The following VCL variants were observed in gnomAD, a reference collection of about 807,000 sequenced individuals.
VCL encodes the protein epididymis luminal protein 114.
A neutral mutation model predicts 125.7 loss-of-function variants in VCL; 47 were observed. The observed-to-expected ratio is 0.37, with a 90% CI of 0.30 to 0.48. The LOEUF is 0.48. Ranked by LOEUF, VCL falls within the 20% of genes least tolerant of loss-of-function variation. The probability of loss-of-function intolerance (pLI) is 0.99; values close to 1 mark genes in which losing one functional copy is unlikely to be tolerated. For missense variants in VCL, 1,069 were observed against 1,455.5 expected (o/e 0.73, Z 4.32); for synonymous variants, 458 against 514.6 (o/e 0.89, Z 1.49).
chr10:74,090,535 C>G (rs765951342), intron 10 of VCL, among the ~76,000 whole-genome samples: 9 of 152,116 alleles, frequency 5.9e-5, no homozygotes, highest in Non-Finnish European at 1.0e-4. Flanking sequence ...CTATCTGTTT[C>G]CCATACATAA....
intron 2 of VCL, among the ~76,000 whole-genome samples, chr10:74,060,786 A>G (rs911452574): frequency 6.6e-6 from 1 of 152,186 alleles, no homozygotes; most frequent in East Asian, 1.9e-4. Flanking sequence ...TTGAAATCAC[A>G]TGGAACTGAG....
intron 20 of VCL, 37 bp downstream of exon 20, chr10:74,114,424 T>A: frequency 6.3e-7 from 1 of 1,585,694 alleles, no homozygotes; most frequent in Admixed American, 1.7e-5. Flanking sequence ...TGTGTGTGTG[T>A]GTGTGTGTGT....
rs1406167430 is a variant in VCL at position 74,097,788 on chromosome 10, C to T, written c.1872+456C>T. On this transcript the variant is annotated intron_variant, in intron 13 of 21. Coordinates refer to ENST00000211998, the MANE Select transcript of VCL (RefSeq NM_014000.3). This position sits in a 1 kb window ranked among gnomAD's most constrained non-coding sequence, Gnocchi z 4.1. ...ATGATCTTTTTAAATCAATCGATGT[C>T]ATTCTTATACTCAGACCCTTCCAAT... Among the ~76,000 whole-genome samples, 1 of 152,160 alleles carries T rather than the reference C, an allele frequency of 6.6e-6. No individual in the cohort carries two copies. The highest frequency in any genetic ancestry group is 1.5e-5 in the Non-Finnish European group (1 of 68,028).
At chr10:74,092,651 C>T (rs1481035045) in intron 10 of VCL, among the ~76,000 whole-genome samples, 1 of 152,158 alleles carries the variant, frequency 6.6e-6, no homozygotes, top group Admixed American at 6.5e-5. Context: ...ACGGCCCAGG[C>T]TTAATCACTT....
At chr10:74,083,261 T>G in intron 7 of VCL, 105 bp from the exon 8 acceptor site, 1 of 1,480,412 alleles carries the variant, frequency 6.8e-7, no homozygotes, top group Non-Finnish European at 9.3e-7. Flanking sequence ...TCACTCGTCT[T>G]GTTTAAAATC....
chr10:74,029,897 A>G (rs1840843769), intron 1 of VCL, among the ~76,000 whole-genome samples: 1 of 152,238 alleles, frequency 6.6e-6, no homozygotes, highest in South Asian at 2.1e-4. Flanking sequence ...AGGATTAAGA[A>G]GAAAATAAAA....
Position 74,104,077 on chromosome 10 carries a change from G to A in VCL, c.2131+149G>A, listed in dbSNP as rs1330144990. The A allele has an allele frequency of 1.0e-5, 8 of 762,936 alleles. No homozygotes were observed. The East Asian group carries it at 1.9e-4, about 18-fold the overall frequency. 47.3% of individuals were successfully genotyped at this position (762,936 alleles called of 1,614,324 possible). On this transcript the variant is annotated intron_variant, in intron 15 of 21. Coordinates refer to ENST00000211998, the MANE Select transcript of VCL (RefSeq NM_014000.3). ...GTACTTGGCTCTGCTTAAGGCTGCT[G>A]AGCAGTGGCGGCTTCTCATTCAAGC...
intron 1 of VCL, among the ~76,000 whole-genome samples, chr10:74,039,981 T>C (rs1841063100): frequency 6.6e-6 from 1 of 152,146 alleles, no homozygotes; most frequent in South Asian, 2.1e-4. Flanking sequence ...TCTTTCCAGT[T>C]CCTAAAATAC....
chr10:74,019,855 G>A (rs555206315), intron 1 of VCL, among the ~76,000 whole-genome samples: 2 of 152,248 alleles, frequency 1.3e-5, no homozygotes, highest in South Asian at 4.1e-4. Context: ...CTGAGGTCAG[G>A]AGTTTGAGAC....
At chr10:74,003,948 T>A (rs1840274451) in intron 1 of VCL, among the ~76,000 whole-genome samples, 1 of 152,178 alleles carries the variant, frequency 6.6e-6, no homozygotes, top group Non-Finnish European at 1.5e-5. Flanking sequence ...CTTGAACTCC[T>A]GGCCTCAAAC....
At chr10:74,017,046 CT>C (rs549275362) in intron 1 of VCL, among the ~76,000 whole-genome samples, 113 of 113,142 alleles carry the variant, frequency 1.0e-3, no homozygotes, top group Middle Eastern at 4.8e-3. Flanking sequence ...AATTTCCTTC[CT>C]TTTTTTTTTT....
At chr10:74,105,400 TC>T in intron 16 of VCL, 47 bp downstream of exon 16, 1 of 1,610,340 alleles carries the variant, frequency 6.2e-7, no homozygotes. Context: ...AGAGGTTAAC[TC>T]AGGAAAGGTC....
At chr10:74,026,452 T>C (rs1024193234) in intron 1 of VCL, among the ~76,000 whole-genome samples, 3 of 152,184 alleles carry the variant, frequency 2.0e-5, no homozygotes, top group Non-Finnish European at 4.4e-5. Context: ...TGGCATGGGA[T>C]AGTAAATGGA....
At chr10:74,062,063 A>G (rs1841490422) in intron 2 of VCL, among the ~76,000 whole-genome samples, 1 of 151,220 alleles carries the variant, frequency 6.6e-6, no homozygotes, top group Non-Finnish European at 1.5e-5. Flanking sequence ...ATGCCATTAC[A>G]TTTTTTATTT....
chr10:74,061,787 A>G (rs1841483338), intron 2 of VCL, among the ~76,000 whole-genome samples: 2 of 151,846 alleles, frequency 1.3e-5, no homozygotes. Context: ...CCCCTGCAAT[A>G]TCTAATCTGC....
At position 74,095,725 on chromosome 10, in the gene VCL, G is replaced by A. The variant is rs566596830; in HGVS notation, c.1613G>A (p.Arg538Gln). Residue 538 changes from arginine to glutamine, a missense_variant, in exon 12 of 22, where the codon CGG (arginine) becomes CAG (glutamine). Arg to Gln is a conservative substitution (Grantham distance 43, BLOSUM62 1). This residue lies in a region of VCL where 760 missense variants were observed against 928.9 expected (regional missense o/e 0.82). Transcript: ENST00000211998. ...GCTAATGTTATGATGGGGCCTTATC[G>A]GCAAGATCTTCTCGCCAAGTGTGAC... The part of the protein sequence containing the change: ...RLANVMMGPY[R>Q]QDLLAKCDRV... 3 of 1,614,158 alleles carry A rather than the reference G, an allele frequency of 1.9e-6. No homozygotes were observed. The highest frequency in any genetic ancestry group is 1.7e-5 in the Admixed American group (1 of 60,028).
At chr10:74,036,089 CTA>C (rs1406268789) in intron 1 of VCL, among the ~76,000 whole-genome samples, 1 of 152,096 alleles carries the variant, frequency 6.6e-6, no homozygotes, top group Non-Finnish European at 1.5e-5. Context: ...AGAGACATGA[CTA>C]TATTTATTAT....
At chr10:74,099,239 C>T (rs1295841964) in intron 13 of VCL, among the ~76,000 whole-genome samples, 1 of 152,206 alleles carries the variant, frequency 6.6e-6, no homozygotes, top group African/African-American at 2.4e-5. Context: ...TCTGACACTT[C>T]CCATACCTGT....
At chr10:74,027,091 T>C (rs1840784957) in intron 1 of VCL, among the ~76,000 whole-genome samples, 3 of 152,164 alleles carry the variant, frequency 2.0e-5, no homozygotes, top group Non-Finnish European at 1.5e-5. Flanking sequence ...AAAATAAGGA[T>C]GCATTTTAAA....
Sources: gnomAD v4.1 joint callset for allele counts (sites outside exome capture counted in the v4.1 genomes callset) on GRCh38, gnomAD v4.1.1 for gene constraint, gnomAD v4.1.1 regional missense constraint, Gnocchi (gnomAD v3.1) non-coding constraint, MANE v1.5 for transcripts, NCBI Gene and HGNC (gene_info 2026-07-23, HGNC 2026-07-21) for gene names.